FAT4: variants seen among roughly 807,000 people sequenced by gnomAD.
FAT4 encodes the protein protocadherin Fat 4.
In FAT4, 84 loss-of-function variants were observed where a neutral mutation model predicts 303.9. The ratio of observed to expected loss-of-function variants is 0.28; its 90% CI spans 0.23 to 0.33. FAT4 has a LOEUF of 0.33. FAT4 is among the 10% of genes least tolerant of loss of function. The pLI is 1.00. For missense variants in FAT4, 6,005 were observed against 6,146.8 expected, an observed-to-expected ratio of 0.98 and a Z score of 0.77; for synonymous variants, 2,307 against 2,298.8, an observed-to-expected ratio of 1.00 and a Z score of -0.10.
intron 17 of FAT4, among the ~76,000 whole-genome samples, chr4:125,488,504 G>C (rs1290213201): frequency 6.6e-6 from 1 of 152,180 alleles, no homozygotes; most frequent in Admixed American, 6.5e-5. Context: ...TGGCTGAGGA[G>C]TTAGAAAGAA....
At position 125,476,584 on chromosome 4, in the gene FAT4, G is replaced by C. The variant is rs185784290; in HGVS notation, c.12299+328G>C. On this transcript the variant is annotated intron_variant, in intron 13 of 17. Coordinates refer to ENST00000394329, the MANE Select transcript of FAT4 (RefSeq NM_001291303.3). ...TAAAGACCTCAGTTCTTTCAAATGC[G>C]TTTCTAAAAGTTTACGTGAAAATTA... is the stretch of plus-strand genomic sequence containing the variant. Among the ~76,000 whole-genome samples the C allele has an allele frequency of 8.3e-4, 126 of 152,208 alleles. 1 individual carries two copies. The highest frequency in any genetic ancestry group is 3.4e-3 in the Middle Eastern group (1 of 294).
chr4:125,465,383 A>G lies in FAT4; in HGVS notation c.11905+1716A>G, dbSNP rs532392375. On this transcript the variant is annotated intron_variant, in intron 11 of 17. Coordinates refer to ENST00000394329, the MANE Select transcript of FAT4 (RefSeq NM_001291303.3). ...TTTTAAGTGGTGCTGCTTTCTACAG[A>G]TAACCACAGTCAAATTTCATGGTTT... Among the ~76,000 whole-genome samples the G allele has an allele frequency of 2.4e-4, 37 of 152,310 alleles. No individual in the cohort carries two copies. The East Asian group carries it at 6.4e-3, about 26-fold the overall frequency.
chr4:125,460,793 A>G (rs1359209314), intron 10 of FAT4, among the ~76,000 whole-genome samples: 2 of 152,108 alleles, frequency 1.3e-5, no homozygotes, highest in African/African-American at 2.4e-5. Context: ...TCCTCTGGGT[A>G]TATACCCAGT....
At chr4:125,323,528 A>T (rs972235738) in intron 2 of FAT4, among the ~76,000 whole-genome samples, 1 of 152,162 alleles carries the variant, frequency 6.6e-6, no homozygotes, top group African/African-American at 2.4e-5. Flanking sequence ...ATTAAAAAAA[A>T]GTCAGCATAT....
chr4:125,402,268 T>G (rs2126015604), intron 3 of FAT4, among the ~76,000 whole-genome samples: 1 of 152,108 alleles, frequency 6.6e-6, no homozygotes, highest in Middle Eastern at 3.4e-3. Flanking sequence ...AGGTTTTTGT[T>G]TCTTTTCTTT....
rs902785325 is a variant in FAT4 at position 125,490,905 on chromosome 4, C to G, written c.14089C>G (p.Pro4697Ala). ...SSLSHSACPT[P>A]NPLSRHSPAP... ...CCTAAGCCACTCAGCATGCCCAACT[C>G]CCAACCCTCTGTCTCGACACAGTCC... Residue 4697 changes from proline to alanine, a missense_variant, in exon 18 of 18, where the codon CCC becomes GCC. Pro to Ala is a conservative substitution (Grantham distance 27). Coordinates refer to ENST00000394329, the MANE Select transcript of FAT4 (RefSeq NM_001291303.3). 1.9e-6 allele frequency: 3 copies of G among 1,614,090 alleles called. No homozygotes were observed. In the African/African-American group the frequency reaches 4.0e-5, roughly 22 times the overall value.
chr4:125,347,400 C>T (rs899772196), intron 2 of FAT4, among the ~76,000 whole-genome samples: 3 of 151,210 alleles, frequency 2.0e-5, no homozygotes, highest in Non-Finnish European at 4.4e-5. Context: ...AAATAAATGT[C>T]AACAGTACAT....
At chr4:125,483,903 T>C (rs17009803) in intron 16 of FAT4, among the ~76,000 whole-genome samples, 3,296 of 150,618 alleles carry the variant, frequency 0.022, 128 homozygotes, top group African/African-American at 0.078. Context: ...TACTTATCAA[T>C]TAGCTTATTG....
Position 125,415,450 on chromosome 4 carries a change from A to T in FAT4, c.6487A>T (p.Ile2163Phe). The change falls in exon 6 of 18, where the codon ATT becomes TTT. Residue 2163 changes from isoleucine to phenylalanine, a missense_variant. Ile to Phe is a conservative substitution (Grantham distance 21). Transcript: ENST00000394329. ...TGCACAAGCTTTGTATAAAGTGGAG[A>T]TTAATGAAAACACACTTACTGGAAC... ...IFAQALYKVE[I>F]NENTLTGTDI... is the part of the protein sequence containing the mutation. 6.2e-7 allele frequency: 1 copy of T among 1,614,102 alleles called. No homozygotes were observed. Among genetic ancestry groups the T allele is most frequent in the East Asian group, 2.2e-5 (1 of 44,864 alleles).
In FAT4 at chr4:125,490,146, G is replaced by A. The variant is rs969759225; in HGVS notation, c.13330G>A (p.Glu4444Lys). 6.2e-7 allele frequency: 1 copy of A among 1,613,946 alleles called. No homozygotes were observed. The highest frequency in any genetic ancestry group is 8.5e-7 in the Non-Finnish European group (1 of 1,180,024). Reference sequence around the variant, plus strand: ...CCCGTGCCAGAATGGTGGCAGCTGTGAGCCAGGCCTGCACTCCGGCTTCAC... The same window carrying A: ...CCCGTGCCAGAATGGTGGCAGCTGTAAGCCAGGCCTGCACTCCGGCTTCAC... ...SHPCQNGGSC[E>K]PGLHSGFTCS... The change falls in exon 18 of 18, where the codon GAG becomes AAG. Residue 4444 changes from glutamate (E) to lysine (K), a missense_variant. Glu to Lys is a moderately conservative substitution (Grantham distance 56). Coordinates refer to ENST00000394329, the MANE Select transcript of FAT4 (RefSeq NM_001291303.3).
chr4:125,366,556 A>G (rs938686978), intron 2 of FAT4, among the ~76,000 whole-genome samples: 1 of 152,066 alleles, frequency 6.6e-6, no homozygotes, highest in Non-Finnish European at 1.5e-5. Context: ...TAGTGTTGCA[A>G]TGAACATAAC....
At chr4:125,369,386 T>C (rs562600270) in intron 2 of FAT4, among the ~76,000 whole-genome samples, 1 of 152,184 alleles carries the variant, frequency 6.6e-6, no homozygotes, top group Non-Finnish European at 1.5e-5. Context: ...GAGCTGAGAT[T>C]GCCTCATTGC....
chr4:125,396,863 AG>A (rs1734197921), intron 2 of FAT4, among the ~76,000 whole-genome samples: 1 of 151,118 alleles, frequency 6.6e-6, no homozygotes, highest in African/African-American at 2.4e-5. Context: ...ACGTGTATAA[AG>A]TGAAGATATT....
In FAT4 at chr4:125,477,223, G is replaced by T; in HGVS notation, c.12368G>T (p.Arg4123Ile). 1 of 1,542,868 alleles carries T rather than the reference G, an allele frequency of 6.5e-7. No individual in the cohort carries two copies. The highest frequency in any genetic ancestry group is 8.8e-7 in the Non-Finnish European group (1 of 1,140,800). The change falls in exon 14 of 18, where the codon AGA becomes ATA. Residue 4123 changes from arginine (R) to isoleucine (I), a missense_variant. Coordinates refer to ENST00000394329, the MANE Select transcript of FAT4 (RefSeq NM_001291303.3). ...AGATCTCTAGAACCAATCCTTCAGAGAAGAGGACACGTGGAAAGCCATGAT... is the reference window on the plus strand; with the variant it reads ...AGATCTCTAGAACCAATCCTTCAGATAAGAGGACACGTGGAAAGCCATGAT... ...GIRSLEPILQRRGHVESHDFV... is the reference protein window; with the variant it reads ...GIRSLEPILQIRGHVESHDFV...
chr4:125,394,797 C>T (rs1402896331), intron 2 of FAT4, among the ~76,000 whole-genome samples: 1 of 152,046 alleles, frequency 6.6e-6, no homozygotes, highest in Non-Finnish European at 1.5e-5. Flanking sequence ...CCAATGGCAA[C>T]AAGGAAGCAA....
rs775610806 is a variant in FAT4 at position 125,317,360 on chromosome 4, C to A, written c.949C>A (p.Arg317Ser). Reference sequence around the variant, plus strand: ...GGAGCCCCTGGACTTCGAAGCTCGGCGCCAATACTCGCTTACGGTGCAGGC... The same window carrying A: ...GGAGCCCCTGGACTTCGAAGCTCGGAGCCAATACTCGCTTACGGTGCAGGC... The part of the protein sequence containing the change: ...VREPLDFEAR[R>S]QYSLTVQAMD... The change falls in exon 2 of 18, where the codon CGC becomes AGC. Residue 317 changes from arginine to serine, a missense_variant. By Grantham distance (110) the Arg-to-Ser change is moderately radical. Transcript: ENST00000394329. This position sits in a 1 kb window ranked among gnomAD's most constrained non-coding sequence, Gnocchi z 7.0. 6.2e-7 allele frequency: 1 copy of A among 1,613,144 alleles called. No homozygotes were observed. Among genetic ancestry groups the A allele is most frequent in the Middle Eastern group, 1.6e-4 (1 of 6,062 alleles).
intron 8 of FAT4, among the ~76,000 whole-genome samples, chr4:125,438,466 GT>G (rs1379665232): frequency 6.6e-6 from 1 of 151,942 alleles, no homozygotes; most frequent in Non-Finnish European, 1.5e-5. Flanking sequence ...TATTTGATTG[GT>G]TGATTAAATT....
chr4:125,490,277 G>A lies in FAT4; in HGVS notation c.13461G>A (p.Ala4487=), dbSNP rs776669972. ...QGKVCKAGSP[A]GHVCVLSQGP... ...AGGTGTGCAAAGCTGGAAGTCCTGC[G>A]GGGCATGTCTGTGTTCTGAGTCAGG... The change falls in exon 18 of 18, where the codon GCG becomes GCA. Residue 4487 remains alanine (A), a synonymous_variant. Coordinates refer to ENST00000394329, the MANE Select transcript of FAT4 (RefSeq NM_001291303.3). The A allele has an allele frequency of 9.3e-6, 15 of 1,614,086 alleles. No individual in the cohort carries two copies. The highest frequency in any genetic ancestry group is 1.6e-4 in the Middle Eastern group (1 of 6,062).
intron 2 of FAT4, among the ~76,000 whole-genome samples, chr4:125,349,296 T>A (rs10032352): frequency 0.088 from 13,340 of 151,804 alleles, 810 homozygotes; most frequent in African/African-American, 0.17. Flanking sequence ...CATTCTATTA[T>A]CTATACTATA....
Sources: gnomAD v4.1 joint callset for allele counts (sites outside exome capture counted in the v4.1 genomes callset) on GRCh38, gnomAD v4.1.1 for gene constraint, Gnocchi (gnomAD v3.1) non-coding constraint, MANE v1.5 for transcripts, NCBI Gene and HGNC (gene_info 2026-07-23, HGNC 2026-07-21) for gene names.